The following CDYL2 variants were observed in gnomAD, a reference collection of about 807,000 sequenced individuals.
The protein encoded by CDYL2 is chromodomain Y like 2, also known as chromodomain Y-like protein 2.
CDYL2 carries 23 observed loss-of-function variants against 49.4 expected under a neutral mutation model. The ratio of observed to expected loss-of-function variants is 0.47; its 90% CI spans 0.34 to 0.66. The LOEUF is 0.66. Among genes scored for constraint, CDYL2 ranks in the 30% least tolerant of loss-of-function variants. The probability of loss-of-function intolerance (pLI) is 0.01; values close to 1 mark genes in which losing one functional copy is unlikely to be tolerated. For missense variants in CDYL2, 678 were observed against 656.4 expected (o/e 1.03, Z -0.36); for synonymous variants, 360 against 268.8 (o/e 1.34, Z -3.32).
At chr16:80,717,571 G>A (rs547835057) in intron 1 of CDYL2, among the ~76,000 whole-genome samples, 1 of 152,266 alleles carries the variant, frequency 6.6e-6, no homozygotes, top group East Asian at 1.9e-4. Flanking sequence ...GAACCATGAA[G>A]AGAAAACCCC....
At chr16:80,624,366 C>G (rs976135410) in intron 3 of CDYL2, among the ~76,000 whole-genome samples, 1 of 152,186 alleles carries the variant, frequency 6.6e-6, no homozygotes, top group African/African-American at 2.4e-5. Context: ...CATACCTGCC[C>G]TGTATGTGGA....
At chr16:80,804,685 G>A (rs971760825), upstream of CDYL2, among the ~76,000 whole-genome samples, 1 of 147,288 alleles carries the variant, frequency 6.8e-6, no homozygotes, top group African/African-American at 2.5e-5. Context: ...CGGGGGACCG[G>A]TCCCAGAGTC....
chr16:80,612,500 G>A lies in CDYL2; in HGVS notation c.1218+126C>T. The A allele has an allele frequency of 1.1e-6, 1 of 891,930 alleles. No individual in the cohort carries two copies. The highest frequency in any genetic ancestry group is 1.7e-6 in the Non-Finnish European group (1 of 583,494). 55.3% of individuals were successfully genotyped at this position (891,930 alleles called of 1,614,324 possible). ...CTGGCACTGAAGGTGTGAAGGACAT[G>A]AGGCAGCCAAGCCAATCTGCAGGCT... On this transcript the variant is annotated intron_variant, in intron 5 of 6. Coordinates refer to ENST00000570137, the MANE Select transcript of CDYL2 (RefSeq NM_152342.4). This position sits in a 1 kb window ranked among gnomAD's most constrained non-coding sequence, Gnocchi z 5.0.
intron 2 of CDYL2, among the ~76,000 whole-genome samples, chr16:80,646,162 A>G (rs1355922912): frequency 6.6e-6 from 1 of 152,128 alleles, no homozygotes; most frequent in Non-Finnish European, 1.5e-5. Context: ...CAAAAAAATT[A>G]TCTTCCACTG....
chr16:80,619,426 C>A (rs1161160446), intron 4 of CDYL2, among the ~76,000 whole-genome samples: 6 of 152,328 alleles, frequency 3.9e-5, no homozygotes, highest in Non-Finnish European at 8.8e-5. Context: ...TTTCCCTGGA[C>A]TTCTGGAAAT....
intron 2 of CDYL2, among the ~76,000 whole-genome samples, chr16:80,643,112 G>C (rs904060674): frequency 6.6e-5 from 10 of 152,178 alleles, no homozygotes; most frequent in African/African-American, 2.2e-4. Flanking sequence ...GGGGGGTACA[G>C]GTATTGGGTA....
chr16:80,687,024 G>C (rs1481457173), intron 1 of CDYL2, among the ~76,000 whole-genome samples: 1 of 152,238 alleles, frequency 6.6e-6, no homozygotes, highest in African/African-American at 2.4e-5. Flanking sequence ...TGGAGTTACT[G>C]AGTATTCCTT....
rs150621323 is a variant in CDYL2, at chr16:80,641,931, T to A, written c.617-8695A>T. Among the ~76,000 whole-genome samples the A allele has an allele frequency of 3.4e-3, 516 of 151,478 alleles. 1 individual carries two copies. Among genetic ancestry groups the A allele is most frequent in the Non-Finnish European group, 5.3e-3 (361 of 67,904 alleles). ...AATAAAAAAAAAAAGAAAGAAATCATCTGAAGGCATAAAACCCAGTGGTAA... is the reference window on the plus strand; with the variant it reads ...AATAAAAAAAAAAAGAAAGAAATCAACTGAAGGCATAAAACCCAGTGGTAA... On this transcript the variant is annotated intron_variant, in intron 2 of 6. Transcript: ENST00000570137.
intron 5 of CDYL2, among the ~76,000 whole-genome samples, chr16:80,608,577 T>C (rs1906449829): frequency 6.6e-6 from 1 of 152,108 alleles, no homozygotes; most frequent in African/African-American, 2.4e-5. Flanking sequence ...GATGACATCA[T>C]TGGCACTGAA....
chr16:80,753,885 T>A (rs1441752864), intron 1 of CDYL2, among the ~76,000 whole-genome samples: 16 of 152,216 alleles, frequency 1.1e-4, no homozygotes, highest in Admixed American at 9.8e-4. Flanking sequence ...ACATATTTCT[T>A]ACAAAGGATT....
chr16:80,793,850 T>C (rs1907683670), intron 1 of CDYL2, among the ~76,000 whole-genome samples: 1 of 152,230 alleles, frequency 6.6e-6, no homozygotes. Flanking sequence ...CTGTTTTCAC[T>C]AATAGCAAAA....
intron 2 of CDYL2, among the ~76,000 whole-genome samples, chr16:80,668,559 T>C (rs1909367015): frequency 3.3e-5 from 5 of 151,898 alleles, no homozygotes. Context: ...AAAAGATCCA[T>C]AAGGAAACAT....
intron 2 of CDYL2, among the ~76,000 whole-genome samples, chr16:80,677,730 C>A (rs1471803878): frequency 4.6e-5 from 7 of 150,892 alleles, no homozygotes; most frequent in African/African-American, 1.2e-4. Flanking sequence ...CAGAGCGAGA[C>A]TCCATCTCAA....
intron 1 of CDYL2, among the ~76,000 whole-genome samples, chr16:80,694,253 A>G (rs567261533): frequency 6.6e-6 from 1 of 152,264 alleles, no homozygotes; most frequent in East Asian, 1.9e-4. Flanking sequence ...CAGGAGGCGG[A>G]GCTCAGGTGG....
At chr16:80,610,792 C>T (rs532846485) in intron 5 of CDYL2, among the ~76,000 whole-genome samples, 2 of 152,278 alleles carry the variant, frequency 1.3e-5, no homozygotes, top group African/African-American at 4.8e-5. Context: ...TAGAGTTTGG[C>T]CCTGTCACCT....
intron 1 of CDYL2, among the ~76,000 whole-genome samples, chr16:80,788,656 G>C (rs536539905): frequency 2.0e-5 from 3 of 152,306 alleles, no homozygotes; most frequent in African/African-American, 7.2e-5. Context: ...GAGATGATTA[G>C]AGGCACCTAG....
intron 3 of CDYL2, chr16:80,627,607 AC>A (rs1303197715): frequency 6.6e-6 from 1 of 152,172 alleles, no homozygotes; most frequent in African/African-American, 2.4e-5. Context: ...TTCTTGAAAG[AC>A]CCCAAATTTA....
chr16:80,786,368 C>A (rs919629538), intron 1 of CDYL2, among the ~76,000 whole-genome samples: 2 of 152,200 alleles, frequency 1.3e-5, no homozygotes, highest in African/African-American at 4.8e-5. Context: ...AAAAAATGCT[C>A]ATCATCACTG....
At position 80,605,959 on chromosome 16, in the gene CDYL2, T is replaced by A. The variant is rs1007678583; in HGVS notation, c.1363-1413A>T. Among the ~76,000 whole-genome samples the A allele has an allele frequency of 5.9e-5, 9 of 152,362 alleles. No individual in the cohort carries two copies. In the South Asian group the frequency reaches 8.3e-4, roughly 14 times the overall value. Reference sequence around the variant, plus strand: ...CATGGGTAGAGGGAGCAGGAAAACCTGGTCTGGCTGATTCCAACAGCCACG... The same window carrying A: ...CATGGGTAGAGGGAGCAGGAAAACCAGGTCTGGCTGATTCCAACAGCCACG... On this transcript the variant is annotated intron_variant, in intron 6 of 6. Transcript: ENST00000570137.
Sources: gnomAD v4.1 joint callset for allele counts (sites outside exome capture counted in the v4.1 genomes callset) on GRCh38, gnomAD v4.1.1 for gene constraint, Gnocchi (gnomAD v3.1) non-coding constraint, MANE v1.5 for transcripts, NCBI Gene and HGNC (gene_info 2026-07-23, HGNC 2026-07-21) for gene names.